Variants in AGBL1 observed in about 807,000 individuals in gnomAD.
The protein encoded by AGBL1 is AGBL carboxypeptidase 1.
AGBL1 carries 130 observed loss-of-function variants against 118.9 expected under a neutral mutation model. The observed-to-expected ratio is 1.09, with a 90% CI of 0.95 to 1.26. AGBL1 has a LOEUF of 1.26. Ranked by LOEUF, AGBL1 falls within the 50% of genes most tolerant of loss-of-function variation. The pLI is 0.00. For synonymous variants in AGBL1, 555 were observed against 478.9 expected, an observed-to-expected ratio of 1.16 and a Z score of -2.08; for missense variants, 1,584 against 1,298.1, an observed-to-expected ratio of 1.22 and a Z score of -3.38.
rs544897834 is a variant in AGBL1, at chr15:86,084,967, T to G, written c.51+4944T>G. ...AATTATAACCCCTACTTATTGATTT[T>G]TTATAAGTTTAGAGAAAATTTATAA... is the stretch of plus-strand genomic sequence containing the variant. On this transcript the variant is annotated intron_variant, in intron 1 of 22. Transcript: ENST00000614907. Among the ~76,000 whole-genome samples the G allele has an allele frequency of 2.0e-5, 3 of 152,346 alleles. No individual in the cohort carries two copies. In the South Asian group the frequency reaches 6.2e-4, roughly 32 times the overall value.
intron 21 of AGBL1, among the ~76,000 whole-genome samples, chr15:86,558,227 C>G (rs2083763070): frequency 6.6e-6 from 1 of 152,138 alleles, no homozygotes; most frequent in South Asian, 2.1e-4. Flanking sequence ...CCTTAGGACC[C>G]AGGCACTCAA....
chr15:86,600,435 G>C (rs375642667), intron 21 of AGBL1, among the ~76,000 whole-genome samples: 4 of 152,120 alleles, frequency 2.6e-5, no homozygotes, highest in East Asian at 3.9e-4. Flanking sequence ...ATATCTTAAA[G>C]GTCTTGCAAA....
At chr15:86,085,305 G>A (rs965352702) in intron 1 of AGBL1, among the ~76,000 whole-genome samples, 1 of 152,086 alleles carries the variant, frequency 6.6e-6, no homozygotes, top group Non-Finnish European at 1.5e-5. Flanking sequence ...CGGTCATGGC[G>A]GGGGTGGGGA....
In AGBL1 at chr15:86,166,066, C is replaced by G. The variant is rs1334638528; in HGVS notation, c.488+7040C>G. 2.6e-5 allele frequency among the ~76,000 whole-genome samples: 4 copies of G among 152,160 alleles called. No individual in the cohort carries two copies. In the South Asian group the frequency reaches 8.3e-4, roughly 32 times the overall value. ...CTAAAGTTCGAAGGTCTTAAGGGACCTTCTTATCATCTCCTTCATCTTAAA... is the reference window on the plus strand; with the variant it reads ...CTAAAGTTCGAAGGTCTTAAGGGACGTTCTTATCATCTCCTTCATCTTAAA... On this transcript the variant is annotated intron_variant, in intron 5 of 22. Coordinates refer to ENST00000614907, the MANE Select transcript of AGBL1 (RefSeq NM_001386094.1).
At chr15:86,879,308 C>G (rs1217493693) in intron 22 of AGBL1, among the ~76,000 whole-genome samples, 1 of 152,194 alleles carries the variant, frequency 6.6e-6, no homozygotes, top group Non-Finnish European at 1.5e-5. Flanking sequence ...GCCCCTGGGG[C>G]AGCAGCTCCT....
At chr15:86,552,833 A>C (rs181980630) in intron 20 of AGBL1, among the ~76,000 whole-genome samples, 39 of 152,330 alleles carry the variant, frequency 2.6e-4, no homozygotes, top group Admixed American at 1.0e-3. Flanking sequence ...AGATAACATT[A>C]GCATTCTATT....
rs1477238336 is a variant in AGBL1, at chr15:86,244,046, G to T, written c.527-3625G>T. ...AAATAAATAGATAAGTAGATAGATA[G>T]ATAGATAGATAAATAAGTAAATAAA... is the stretch of plus-strand genomic sequence containing the variant. On this transcript the variant is annotated intron_variant, in intron 6 of 22. Transcript: ENST00000614907. Among the ~76,000 whole-genome samples the T allele has an allele frequency of 3.7e-5, 4 of 109,146 alleles. No homozygotes were observed. In the East Asian group the frequency reaches 7.5e-4, roughly 20 times the overall value. 71.6% of individuals were successfully genotyped at this position (109,146 alleles called of 152,430 possible). A position where few individuals can be genotyped will look rare whatever the true frequency, so the allele number is the denominator to read the frequency against.
chr15:86,935,527 C>A (rs568659320), intron 23 of AGBL1, among the ~76,000 whole-genome samples: 2 of 152,190 alleles, frequency 1.3e-5, no homozygotes, highest in Admixed American at 1.3e-4. Context: ...GGGCACACAG[C>A]CTTCTTCTTT....
intron 24 of AGBL1, among the ~76,000 whole-genome samples, chr15:87,015,545 C>T (rs887497670): frequency 2.0e-4 from 30 of 152,160 alleles, no homozygotes; most frequent in African/African-American, 6.8e-4. Flanking sequence ...ATTCAGTAAA[C>T]ACTGAGTGCC....
chr15:86,465,495 A>G (rs188908127), intron 18 of AGBL1, among the ~76,000 whole-genome samples: 8 of 152,314 alleles, frequency 5.3e-5, no homozygotes, highest in African/African-American at 9.6e-5. Flanking sequence ...GCCGGGAAGA[A>G]CAGAGTCATA....
In AGBL1 at chr15:86,680,791, T is replaced by A. The variant is rs546168232; in HGVS notation, c.3158+6355T>A. 8.5e-5 allele frequency among the ~76,000 whole-genome samples: 13 copies of A among 152,068 alleles called. No individual in the cohort carries two copies. In the South Asian group the frequency reaches 2.7e-3, roughly 32 times the overall value. On this transcript the variant is annotated intron_variant, in intron 22 of 22. Transcript: ENST00000614907. ...CATGTTGGCCAGGTTGGTTTTGAAC[T>A]CCTGACCTCAAGTGATCCACCCACC...
At chr15:86,290,373 C>T (rs1209911313) in intron 16 of AGBL1, among the ~76,000 whole-genome samples, 2 of 137,270 alleles carry the variant, frequency 1.5e-5, no homozygotes, top group East Asian at 2.3e-4. Flanking sequence ...ATTTTTAAGA[C>T]AGGGTCTCGC....
intron 17 of AGBL1, among the ~76,000 whole-genome samples, chr15:86,343,470 A>G (rs1276375054): frequency 6.6e-6 from 1 of 152,046 alleles, no homozygotes; most frequent in Non-Finnish European, 1.5e-5. Flanking sequence ...CTCCAGTTTC[A>G]TGTGCTGTTT....
intron 3 of AGBL1, among the ~76,000 whole-genome samples, chr15:86,147,560 G>A (rs143478797): frequency 1.3e-5 from 2 of 152,216 alleles, no homozygotes; most frequent in African/African-American, 4.8e-5. Context: ...GCTGGGGGAA[G>A]GGTGTCCGCC....
chr15:86,380,559 G>A (rs12901926), intron 17 of AGBL1, among the ~76,000 whole-genome samples: 2 of 142,348 alleles, frequency 1.4e-5, no homozygotes, highest in South Asian at 2.2e-4. Context: ...TTCTTCCTCC[G>A]TCCCTTTCCC....
chr15:86,177,623 A>G (rs1160091518), intron 5 of AGBL1, among the ~76,000 whole-genome samples: 1 of 152,234 alleles, frequency 6.6e-6, no homozygotes, highest in Non-Finnish European at 1.5e-5. Flanking sequence ...AAATTAAATT[A>G]TCAACAACAG....
chr15:86,738,084 G>C (rs1245208754), intron 22 of AGBL1, among the ~76,000 whole-genome samples: 2 of 151,874 alleles, frequency 1.3e-5, no homozygotes, highest in African/African-American at 4.8e-5. Flanking sequence ...AATCCTTTCT[G>C]TGTCTATTGA....
chr15:86,329,217 C>T (rs1233475550), intron 17 of AGBL1, among the ~76,000 whole-genome samples: 1 of 152,170 alleles, frequency 6.6e-6, no homozygotes, highest in Non-Finnish European at 1.5e-5. Context: ...AGATCCCTCT[C>T]CACTTCACTC....
intron 17 of AGBL1, among the ~76,000 whole-genome samples, chr15:86,340,378 G>A (rs1430177582): frequency 3.3e-5 from 5 of 151,988 alleles, no homozygotes; most frequent in Non-Finnish European, 7.4e-5. Context: ...ATTAATTAAG[G>A]GTCTTGAGAT....
Sources: allele counts gnomAD v4.1 joint callset (sites outside exome capture counted in the v4.1 genomes callset), GRCh38; gene constraint gnomAD v4.1.1; transcripts MANE v1.5; gene names NCBI Gene and HGNC (gene_info 2026-07-23, HGNC 2026-07-21).